Variants in DEPDC4 observed in about 807,000 individuals in gnomAD.
DEPDC4 encodes the protein DEP domain containing 4, also known as DEP domain-containing protein 4.
Under a neutral mutation model 52.0 loss-of-function variants are expected in DEPDC4, and 52 were observed. That is an observed-to-expected ratio of 1.00 (90% CI 0.80 to 1.26). The LOEUF (loss-of-function observed/expected upper bound fraction) is 1.26, where lower values mean the gene tolerates loss of function less well. DEPDC4 is among the 50% of genes most tolerant of loss of function. The pLI is 0.00. For synonymous variants in DEPDC4, 201 were observed against 196.8 expected, an observed-to-expected ratio of 1.02 and a Z score of -0.18; for missense variants, 530 against 546.9, an observed-to-expected ratio of 0.97 and a Z score of 0.31.
the DEPDC4 span, among the ~76,000 whole-genome samples, chr12:100,281,029 T>G: frequency 7.8e-6 from 1 of 127,616 alleles, no homozygotes; most frequent in African/African-American, 3.3e-5. Flanking sequence ...GTTTTTTTTT[T>G]TTTTTTTTTT....
intron 8 of DEPDC4, among the ~76,000 whole-genome samples, chr12:100,248,555 GA>G (rs1322710460): frequency 5.3e-5 from 8 of 152,008 alleles, no homozygotes; most frequent in African/African-American, 1.7e-4. Context: ...AGGGAGAGAG[GA>G]TGAAAAACAA....
At chr12:100,238,061 A>G, downstream of DEPDC4, 3 of 984,098 alleles carry the variant, frequency 3.0e-6, no homozygotes, top group Non-Finnish European at 3.6e-6. Flanking sequence ...TTTTCCCGGT[A>G]TCTCTTCAGG....
chr12:100,267,150 G>T, upstream of DEPDC4: 2 of 1,502,952 alleles, frequency 1.3e-6, no homozygotes, highest in Admixed American at 1.9e-5. Flanking sequence ...AGGAAGTGAC[G>T]TCATGCCCCC....
At chr12:100,278,390 G>A in the DEPDC4 span, among the ~76,000 whole-genome samples, 1 of 151,942 alleles carries the variant, frequency 6.6e-6, no homozygotes, top group African/African-American at 2.4e-5. Flanking sequence ...TGTAGAGATG[G>A]GGTCTTACTG....
chr12:100,237,506 C>T (rs2096143272), downstream of DEPDC4, among the ~76,000 whole-genome samples: 5 of 152,076 alleles, frequency 3.3e-5, 1 homozygote, highest in Admixed American at 3.3e-4. Context: ...CTGCACCTAG[C>T]CTAGGATTTT....
chr12:100,270,021 C>T (rs1189854401), upstream of DEPDC4, among the ~76,000 whole-genome samples: 2 of 150,168 alleles, frequency 1.3e-5, no homozygotes, highest in African/African-American at 2.5e-5. Context: ...GAGTGTCACT[C>T]TGTCACCCAG....
chr12:100,267,631 C>A (rs1381806112), upstream of DEPDC4: 2 of 152,290 alleles, frequency 1.3e-5, no homozygotes, highest in African/African-American at 4.8e-5. Context: ...GGGAGCGGAT[C>A]CGAGAGGGCC....
intron 4 of DEPDC4, among the ~76,000 whole-genome samples, chr12:100,254,070 A>C (rs1047378020): frequency 4.6e-5 from 7 of 152,106 alleles, no homozygotes; most frequent in African/African-American, 1.7e-4. Flanking sequence ...TTTGAAAATA[A>C]GATACCAAAT....
chr12:100,250,680 A>C (rs2096204136), intron 7 of DEPDC4, among the ~76,000 whole-genome samples: 1 of 152,196 alleles, frequency 6.6e-6, no homozygotes, highest in African/African-American at 2.4e-5. Context: ...AGCAGAGAGA[A>C]GCTGAGTAGT....
chr12:100,267,062 C>T lies in DEPDC4; in HGVS notation c.15G>A (p.Glu5=), dbSNP rs772090531. The T allele has an allele frequency of 6.2e-7, 1 of 1,613,546 alleles. No individual in the cohort carries two copies. Among genetic ancestry groups the T allele is most frequent in the East Asian group, 2.2e-5 (1 of 44,854 alleles). MVPG[E]EPARELMAVL... ...CCGCCATAAGCTCGCGCGCTGGCTCCTCCCCTGGCACCATAGCCCCGCCCC... is the reference window on the plus strand; with the variant it reads ...CCGCCATAAGCTCGCGCGCTGGCTCTTCCCCTGGCACCATAGCCCCGCCCC... Residue 5 remains glutamate, a synonymous_variant, in exon 1 of 10, where the codon GAG becomes GAA. Coordinates refer to ENST00000550587, the MANE Select transcript of DEPDC4 (RefSeq NM_001364818.2).
intron 8 of DEPDC4, among the ~76,000 whole-genome samples, chr12:100,244,440 C>CA (rs1245214540): frequency 6.6e-6 from 1 of 151,658 alleles, no homozygotes; most frequent in Non-Finnish European, 1.5e-5. Context: ...CTCGGCCTCC[C>CA]AAAGTGCTGG....
At chr12:100,245,801 G>A (rs925682348) in intron 8 of DEPDC4, among the ~76,000 whole-genome samples, 31 of 152,032 alleles carry the variant, frequency 2.0e-4, no homozygotes, top group Non-Finnish European at 3.1e-4. Flanking sequence ...AAATCTGGTC[G>A]TATCACTTCC....
chr12:100,267,204 G>A, upstream of DEPDC4: 1 of 982,390 alleles, frequency 1.0e-6, no homozygotes, highest in Non-Finnish European at 1.5e-6. Flanking sequence ...CTTACTCTTC[G>A]TCCCCGGTCC....
At chr12:100,238,725 C>T (rs1163762459), downstream of DEPDC4, among the ~76,000 whole-genome samples, 1 of 151,894 alleles carries the variant, frequency 6.6e-6, no homozygotes, top group Non-Finnish European at 1.5e-5. Context: ...GGGCTCAAGG[C>T]ATCTACCCAC....
chr12:100,258,626 A>G (rs1247095800), intron 3 of DEPDC4, among the ~76,000 whole-genome samples: 1 of 152,162 alleles, frequency 6.6e-6, no homozygotes, highest in East Asian at 1.9e-4. Context: ...TCCTTCCTTC[A>G]TATCACAGCC....
intron 9 of DEPDC4, among the ~76,000 whole-genome samples, chr12:100,234,452 AATG>A (rs2096138546): frequency 6.6e-6 from 1 of 152,138 alleles, no homozygotes; most frequent in African/African-American, 2.4e-5. Flanking sequence ...ACCTTTGGGG[AATG>A]ATGAAGGATG....
chr12:100,242,777 T>A (rs1173331468), intron 8 of DEPDC4, among the ~76,000 whole-genome samples: 1 of 152,228 alleles, frequency 6.6e-6, no homozygotes, highest in Non-Finnish European at 1.5e-5. Context: ...TTTCCCATCC[T>A]GAGTCCATCA....
At chr12:100,245,855 G>A (rs1175455838) in intron 8 of DEPDC4, among the ~76,000 whole-genome samples, 3 of 152,110 alleles carry the variant, frequency 2.0e-5, no homozygotes, top group Non-Finnish European at 4.4e-5. Flanking sequence ...TAGAGACTTG[G>A]TAGCTAAATA....
intron 8 of DEPDC4, among the ~76,000 whole-genome samples, chr12:100,246,783 T>A (rs1360836566): frequency 6.6e-6 from 1 of 151,834 alleles, no homozygotes; most frequent in African/African-American, 2.4e-5. Context: ...CCTAAAAATA[T>A]AAAAATTAGC....
Sources: allele counts gnomAD v4.1 joint callset (sites outside exome capture counted in the v4.1 genomes callset), GRCh38; gene constraint gnomAD v4.1.1; transcripts MANE v1.5; gene names NCBI Gene and HGNC (gene_info 2026-07-23, HGNC 2026-07-21).